The following DNA2 variants were observed in gnomAD, a reference collection of about 807,000 sequenced individuals.
The protein encoded by DNA2 is DNA replication ATP-dependent helicase/nuclease DNA2.
Under a neutral mutation model 119.1 loss-of-function variants are expected in DNA2, and 101 were observed. The ratio of observed to expected loss-of-function variants is 0.85; its 90% CI spans 0.72 to 1.00. The LOEUF (loss-of-function observed/expected upper bound fraction) is 1.00, where lower values mean the gene tolerates loss of function less well. Ranked by LOEUF, DNA2 falls within the 50% of genes least tolerant of loss-of-function variation. The pLI is 0.00. For synonymous variants in DNA2, 366 were observed against 424.4 expected (o/e 0.86, Z 1.69); for missense variants, 1,121 against 1,255.5 (o/e 0.89, Z 1.62).
chr10:68,470,085 T>C lies in DNA2; in HGVS notation c.153A>G (p.Ala51=). 1 of 1,613,876 alleles carries C rather than the reference T, an allele frequency of 6.2e-7. No homozygotes were observed. Among genetic ancestry groups the C allele is most frequent in the Non-Finnish European group, 8.5e-7 (1 of 1,179,856 alleles). ...CCTCTTTGTTCTGTACAGTATTGAC[T>C]GCCAACACCAGGTACCGGTTATCCA... ...TGMDNRYLVL[A]VNTVQNKEGN... is the part of the protein sequence containing the mutation. Residue 51 remains alanine, a synonymous_variant, in exon 2 of 21, where the codon GCA becomes GCG. Transcript: ENST00000358410.
chr10:68,428,444 C>A (rs1041554175), intron 14 of DNA2, among the ~76,000 whole-genome samples: 2 of 151,908 alleles, frequency 1.3e-5, no homozygotes, highest in African/African-American at 2.4e-5. Context: ...ATGCAACTAC[C>A]AATCAATCCA....
chr10:68,462,922 A>T (rs1187700051), intron 4 of DNA2, among the ~76,000 whole-genome samples: 1 of 151,926 alleles, frequency 6.6e-6, no homozygotes, highest in Non-Finnish European at 1.5e-5. Flanking sequence ...TGAGGTCAGG[A>T]GTTTGAGACC....
Position 68,419,826 on chromosome 10 carries a change from A to C in DNA2, c.2764T>G (p.Phe922Val). The change falls in exon 18 of 21, where the codon TTC (phenylalanine) becomes GTC (valine). Residue 922 changes from phenylalanine to valine, a missense_variant. By Grantham distance (50) the Phe-to-Val change is conservative. Coordinates refer to ENST00000358410, the MANE Select transcript of DNA2 (RefSeq NM_001080449.3). ...ACCTTAACAAAAATGGAGGTTAGGA[A>C]AACTATGAGTTTGGCTTCTGTTACA... The part of the protein sequence containing the change: ...SNVTEAKLIV[F>V]LTSIFVKAGC... The C allele has an allele frequency of 6.2e-7, 1 of 1,613,840 alleles. No homozygotes were observed. Among genetic ancestry groups the C allele is most frequent in the Non-Finnish European group, 8.5e-7 (1 of 1,179,792 alleles).
chr10:68,422,813 A>G lies in DNA2; in HGVS notation c.2286T>C (p.Asp762=). 6.2e-7 allele frequency: 1 copy of G among 1,610,658 alleles called. No individual in the cohort carries two copies. The highest frequency in any genetic ancestry group is 8.5e-7 in the Non-Finnish European group (1 of 1,179,238). ...TTGGTTGGCTAATTTGAGAGGCTTCATCCACAATACAAAAATCAAAAATTT... is the reference window on the plus strand; with the variant it reads ...TTGGTTGGCTAATTTGAGAGGCTTCGTCCACAATACAAAAATCAAAAATTT... ...SRKIFDFCIV[D]EASQISQPIC... The change falls in exon 15 of 21, where the codon GAT becomes GAC. Residue 762 remains aspartate (D), a synonymous_variant. Coordinates refer to ENST00000358410, the MANE Select transcript of DNA2 (RefSeq NM_001080449.3).
intron 14 of DNA2, chr10:68,425,101 T>C (rs1217304038): frequency 1.3e-5 from 4 of 298,464 alleles, no homozygotes; most frequent in Non-Finnish European, 2.6e-5. Flanking sequence ...TTTTTTTTTT[T>C]TTTTTTTTTT....
At position 68,429,954 on chromosome 10, in the gene DNA2, C is replaced by A. The variant is rs536278394; in HGVS notation, c.2208+482G>T. 7.7e-5 allele frequency among the ~76,000 whole-genome samples: 11 copies of A among 143,130 alleles called. No homozygotes were observed. In the South Asian group the frequency reaches 2.5e-3, roughly 32 times the overall value. 93.9% of individuals were successfully genotyped at this position (143,130 alleles called of 152,430 possible). ...CTGGAGTGCAGTGGCGCGATCTCTG[C>A]TCACTGCAACCTCCGCCTCCCAGGT... is the stretch of plus-strand genomic sequence containing the variant. On this transcript the variant is annotated intron_variant, in intron 14 of 20. Transcript: ENST00000358410.
At chr10:68,464,332 G>C (rs990771185) in intron 4 of DNA2, among the ~76,000 whole-genome samples, 1 of 151,736 alleles carries the variant, frequency 6.6e-6, no homozygotes, top group African/African-American at 2.4e-5. Context: ...GGCCAACATG[G>C]TTAAACCCCG....
chr10:68,426,944 C>T (rs552091611), intron 14 of DNA2, among the ~76,000 whole-genome samples: 6 of 152,250 alleles, frequency 3.9e-5, no homozygotes, highest in African/African-American at 1.4e-4. Context: ...ACCTGCAAAC[C>T]ACATATCCAT....
intron 20 of DNA2, among the ~76,000 whole-genome samples, chr10:68,415,566 A>G (rs10998141): frequency 0.11 from 16,697 of 152,114 alleles, 1,119 homozygotes; most frequent in South Asian, 0.24. Flanking sequence ...GTGAGCCACC[A>G]CGCCCAGCCT....
At chr10:68,462,913 G>C (rs2052277733) in intron 4 of DNA2, among the ~76,000 whole-genome samples, 1 of 151,748 alleles carries the variant, frequency 6.6e-6, no homozygotes, top group South Asian at 2.1e-4. Context: ...TGGATCACCT[G>C]AGGTCAGGAG....
intron 14 of DNA2, among the ~76,000 whole-genome samples, chr10:68,429,100 C>T (rs10998158): frequency 0.081 from 12,318 of 151,988 alleles, 826 homozygotes; most frequent in African/African-American, 0.18. Context: ...AGATATTAGA[C>T]AAAAATATGC....
chr10:68,471,677 C>G, intron 1 of DNA2, 114 bp downstream of exon 1: 2 of 1,323,222 alleles, frequency 1.5e-6, no homozygotes, highest in Non-Finnish European at 2.0e-6. Context: ...GGGAGCTGCA[C>G]CGGGTCCCTG....
In DNA2 at chr10:68,444,913, A is replaced by G. The variant is rs749137042; in HGVS notation, c.1220+8T>C. ...CTAGAAATAATGCCTTTGGTAGACA[A>G]TATTTACCTGCTATAAAGAGCACAA... On this transcript the variant is annotated splice_region_variant and intron_variant, in intron 8 of 20. Transcript: ENST00000358410. 5 of 1,608,638 alleles carry G rather than the reference A, an allele frequency of 3.1e-6. No individual in the cohort carries two copies. In the African/African-American group the frequency reaches 4.0e-5, roughly 13 times the overall value.
At chr10:68,468,704 G>A (rs2052353299) in intron 2 of DNA2, among the ~76,000 whole-genome samples, 1 of 152,148 alleles carries the variant, frequency 6.6e-6, no homozygotes, top group South Asian at 2.1e-4. Context: ...GCTTGTATAA[G>A]TCTTGAAGCA....
intron 9 of DNA2, among the ~76,000 whole-genome samples, chr10:68,440,535 G>A (rs752515541): frequency 2.8e-4 from 42 of 151,742 alleles, no homozygotes; most frequent in Non-Finnish European, 5.4e-4. Context: ...CTGACCTCGT[G>A]ATCCACCCTC....
chr10:68,446,355 AG>A lies in DNA2; in HGVS notation c.997del (p.Leu333PhefsTer17). 1 of 1,598,564 alleles carries A rather than the reference AG, an allele frequency of 6.3e-7. No homozygotes were observed. Among genetic ancestry groups the A allele is most frequent in the Non-Finnish European group, 8.5e-7 (1 of 1,172,556 alleles). ...ERRADPEAGL[L>X]LYLKTGQMYP... ...CATCTGACCAGTCTTGAGGTAGAGA[AG>A]CAAGCCAGCCTCTGGATCAGCTCTT... On this transcript the variant is annotated frameshift_variant, in exon 7 of 21. Coordinates refer to ENST00000358410, the MANE Select transcript of DNA2 (RefSeq NM_001080449.3). LOFTEE classifies it high-confidence loss of function.
intron 18 of DNA2, 93 bp from the exon 19 acceptor site, chr10:68,419,306 A>G: frequency 1.0e-6 from 1 of 997,612 alleles, no homozygotes; most frequent in Non-Finnish European, 1.4e-6. Context: ...TTATGTGCCC[A>G]ACTGATGTTT....
rs1383098399 is a variant in DNA2, at chr10:68,437,192, T to G, written c.1465A>C (p.Lys489Gln). 5 of 1,612,944 alleles carry G rather than the reference T, an allele frequency of 3.1e-6. No homozygotes were observed. Among genetic ancestry groups the G allele is most frequent in the Non-Finnish European group, 4.2e-6 (5 of 1,179,142 alleles). Residue 489 changes from lysine to glutamine, a missense_variant, in exon 10 of 21, where the codon AAG becomes CAG. Physicochemically the swap from Lys to Gln is moderately conservative, Grantham distance 53 (BLOSUM62 1). Transcript: ENST00000358410. Reference protein sequence around the residue: ...IGNLIRMEHVKIVCDGQYLHN... With the variant: ...IGNLIRMEHVQIVCDGQYLHN... The stretch of plus-strand genomic sequence containing the variant: ...AAATATTGCCCATCACAAACTATCT[T>G]TACATGTTCCATTCTAATCAGGTTT...
intron 4 of DNA2, among the ~76,000 whole-genome samples, chr10:68,463,183 A>G (rs1322958341): frequency 1.3e-5 from 2 of 151,564 alleles, no homozygotes; most frequent in East Asian, 3.9e-4. Context: ...AGTGGCTCAC[A>G]CCTGTAATCC....
Sources: gnomAD v4.1 joint callset for allele counts (sites outside exome capture counted in the v4.1 genomes callset) on GRCh38, gnomAD v4.1.1 for gene constraint, MANE v1.5 for transcripts, NCBI Gene and HGNC (gene_info 2026-07-23, HGNC 2026-07-21) for gene names.